CDC42BPB: variants seen among roughly 807,000 people sequenced by gnomAD.
CDC42BPB encodes the protein serine/threonine-protein kinase MRCK beta.
In CDC42BPB, 37 loss-of-function variants were observed where a neutral mutation model predicts 214.9. That is an observed-to-expected ratio of 0.17 (90% CI 0.13 to 0.23). The LOEUF is 0.23. Among genes scored for constraint, CDC42BPB ranks in the 10% least tolerant of loss-of-function variants. The pLI, the probability that CDC42BPB is intolerant of heterozygous loss-of-function variation, is 1.00. For missense variants in CDC42BPB, 1,694 were observed against 2,227.0 expected (o/e 0.76, Z 4.82); for synonymous variants, 931 against 884.0 (o/e 1.05, Z -0.94).
chr14:102,996,192 T>G (rs934693024), intron 5 of CDC42BPB, among the ~76,000 whole-genome samples: 1 of 151,840 alleles, frequency 6.6e-6, no homozygotes, highest in Non-Finnish European at 1.5e-5. Context: ...ACAAAAAAAT[T>G]AGCTGGGCGT....
rs1714780857 is a variant in CDC42BPB at position 103,057,316 on chromosome 14, C to G, written c.-143G>C. ...GCCGCCCCGTCCGCGTCGTCGCGCC[C>G]CGGCCTAGGCCGACATCTTGGGCTC... is the stretch of plus-strand genomic sequence containing the variant. On this transcript the variant is annotated 5_prime_UTR_variant, in exon 1 of 37. Transcript: ENST00000361246. The G allele has an allele frequency of 9.6e-7, 1 of 1,046,956 alleles. No individual in the cohort carries two copies. Among genetic ancestry groups the G allele is most frequent in the South Asian group, 4.5e-5 (1 of 22,398 alleles). The allele number at this position is 1,046,956 out of a possible 1,614,324, so 64.9% of individuals were successfully genotyped here.
At chr14:103,024,557 T>C (rs1435309737) in intron 1 of CDC42BPB, among the ~76,000 whole-genome samples, 1 of 152,228 alleles carries the variant, frequency 6.6e-6, no homozygotes, top group Non-Finnish European at 1.5e-5. Context: ...TTTTAGCAAC[T>C]ATTCGTAACA....
At chr14:103,008,938 T>C (rs1270034061) in intron 2 of CDC42BPB, among the ~76,000 whole-genome samples, 2 of 152,222 alleles carry the variant, frequency 1.3e-5, no homozygotes, top group African/African-American at 4.8e-5. Flanking sequence ...CCACATTCTT[T>C]AAAGAACAAT....
In CDC42BPB at chr14:102,940,293, G is replaced by A. The variant is rs1048630181; in HGVS notation, c.4440C>T (p.Ser1480=). The part of the protein sequence containing the change: ...SCSPTHVTVY[S]EYGVDVFDVR... ...CATCAAAGACGTCCACGCCATACTC[G>A]CTGTACACCGTGACGTGGGTGGGGC... The change falls in exon 31 of 37, where the codon AGC becomes AGT. Residue 1480 remains serine, a synonymous_variant. Transcript: ENST00000361246. The A allele has an allele frequency of 5.7e-6, 9 of 1,584,602 alleles. No homozygotes were observed. Among genetic ancestry groups the A allele is most frequent in the East Asian group, 2.3e-5 (1 of 43,512 alleles).
rs1473965879 is a variant in CDC42BPB, at chr14:102,933,782, G to A, written c.5066C>T (p.Pro1689Leu). 1.3e-6 allele frequency: 2 copies of A among 1,502,174 alleles called. No individual in the cohort carries two copies. Among genetic ancestry groups the A allele is most frequent in the Non-Finnish European group, 1.8e-6 (2 of 1,138,876 alleles). The allele number at this position is 1,502,174 out of a possible 1,614,324, so 93.1% of individuals were successfully genotyped here. Residue 1689 changes from proline (P) to leucine (L), a missense_variant, in exon 37 of 37, where the codon CCG (proline) becomes CTG (leucine). Coordinates refer to ENST00000361246, the MANE Select transcript of CDC42BPB (RefSeq NM_006035.4). The stretch of plus-strand genomic sequence containing the variant: ...GCTCCTGTGGGGGGAGTTGGGGCTC[G>A]GTGGGCCGCTGGGGTTGGAGCTATT... The part of the protein sequence containing the change: ...PSNSSNPSGP[P>L]SPNSPHRSQL...
At chr14:102,960,793 T>C (rs1413516709) in intron 20 of CDC42BPB, among the ~76,000 whole-genome samples, 1 of 152,088 alleles carries the variant, frequency 6.6e-6, no homozygotes, top group Admixed American at 6.6e-5. Flanking sequence ...AGCTAGCCAT[T>C]AGCAAAAGAT....
At chr14:102,998,811 T>C (rs1462033732) in intron 5 of CDC42BPB, among the ~76,000 whole-genome samples, 2 of 151,998 alleles carry the variant, frequency 1.3e-5, no homozygotes, top group African/African-American at 4.8e-5. Context: ...AGAAAGAATG[T>C]GGGGACAGAG....
chr14:102,944,500 G>A lies in CDC42BPB; in HGVS notation c.3812-13C>T. On this transcript the variant is annotated splice_polypyrimidine_tract_variant and intron_variant, in intron 29 of 36. Transcript: ENST00000361246. The surrounding 1 kb of genome is among the most constrained non-coding windows in gnomAD (Gnocchi z 6.6). ...GCACGGACGATCACTGTGGCAAGGA[G>A]GACAAGAGCGTGAGGCCGACGGGAC... 6.2e-7 allele frequency: 1 copy of A among 1,602,312 alleles called. No individual in the cohort carries two copies. Among genetic ancestry groups the A allele is most frequent in the East Asian group, 2.2e-5 (1 of 44,664 alleles).
At chr14:103,022,851 C>T (rs1172119900) in intron 1 of CDC42BPB, among the ~76,000 whole-genome samples, 1 of 152,110 alleles carries the variant, frequency 6.6e-6, no homozygotes, top group African/African-American at 2.4e-5. Flanking sequence ...GCATCTGTGC[C>T]TCCACCCAGT....
chr14:103,010,709 C>A (rs1886106343), intron 2 of CDC42BPB, among the ~76,000 whole-genome samples: 1 of 152,224 alleles, frequency 6.6e-6, no homozygotes, highest in Admixed American at 6.5e-5. Flanking sequence ...CAAACCTCAG[C>A]ATAGGTGCTA....
intron 1 of CDC42BPB, among the ~76,000 whole-genome samples, chr14:103,013,186 G>A (rs903849868): frequency 2.0e-5 from 3 of 152,218 alleles, no homozygotes; most frequent in African/African-American, 7.2e-5. Context: ...TGCGTGAGGT[G>A]AGTGAGAGCT....
chr14:103,021,642 T>G (rs1595156771), intron 1 of CDC42BPB, among the ~76,000 whole-genome samples: 1 of 149,592 alleles, frequency 6.7e-6, no homozygotes, highest in East Asian at 2.0e-4. Flanking sequence ...ATCGTGCCAC[T>G]GCACTCCAGC....
At chr14:102,964,927 C>CTTT in intron 18 of CDC42BPB, 2 of 297,712 alleles carry the variant, frequency 6.7e-6, no homozygotes, top group Non-Finnish European at 9.7e-6. Flanking sequence ...CTTTTCTTTT[C>CTTT]TTTTTTTTTT....
chr14:102,963,637 A>T (rs1288419250), intron 19 of CDC42BPB, among the ~76,000 whole-genome samples: 1 of 152,212 alleles, frequency 6.6e-6, no homozygotes, highest in Non-Finnish European at 1.5e-5. Context: ...GGAGGGATGC[A>T]GTTTGTGGGG....
Position 102,986,737 on chromosome 14 carries a change from G to A in CDC42BPB, c.597-157C>T, listed in dbSNP as rs536622106. The A allele has an allele frequency of 7.1e-6, 7 of 985,326 alleles. No homozygotes were observed. The Admixed American group carries it at 3.7e-4, about 52-fold the overall frequency. 61.0% of individuals were successfully genotyped at this position (985,326 alleles called of 1,614,324 possible). The stretch of plus-strand genomic sequence containing the variant: ...AAATGCCTCTGTGTGACATTCAGCT[G>A]GCATGGTGGCAGCCGAAGTCGTATC... On this transcript the variant is annotated intron_variant, in intron 5 of 36. Coordinates refer to ENST00000361246, the MANE Select transcript of CDC42BPB (RefSeq NM_006035.4).
chr14:102,944,654 G>A lies in CDC42BPB; in HGVS notation c.3812-167C>T. On this transcript the variant is annotated intron_variant, in intron 29 of 36. Transcript: ENST00000361246. This position sits in a 1 kb window ranked among gnomAD's most constrained non-coding sequence, Gnocchi z 6.6. ...CCCTGAGCCCGTCTCTGCCCACAGA[G>A]CCAGTGGCTTGAACGCCCCCCGGAG... The A allele has an allele frequency of 4.1e-6, 4 of 985,316 alleles. No individual in the cohort carries two copies. The highest frequency in any genetic ancestry group is 4.8e-6 in the Non-Finnish European group (4 of 829,892). 61.0% of individuals were successfully genotyped at this position (985,316 alleles called of 1,614,324 possible).
intron 25 of CDC42BPB, 69 bp from the exon 26 acceptor site, chr14:102,949,973 G>T: frequency 6.3e-7 from 1 of 1,588,260 alleles, no homozygotes; most frequent in East Asian, 2.2e-5. Flanking sequence ...CATTACACTC[G>T]TTCACAATCT....
chr14:102,949,117 G>A (rs1892359566), intron 26 of CDC42BPB, among the ~76,000 whole-genome samples: 1 of 152,228 alleles, frequency 6.6e-6, no homozygotes, highest in African/African-American at 2.4e-5. Flanking sequence ...CAGTAGCATG[G>A]CTCCGTGTGC....
Position 102,949,690 on chromosome 14 carries a change from G to C in CDC42BPB, c.3449+75C>G. On this transcript the variant is annotated intron_variant, in intron 26 of 36. Transcript: ENST00000361246. ...ACTAATGAGGTGAAAGACTACTAAG[G>C]AACACACCGTCCTTTTGGCTAAAGA... 1.9e-6 allele frequency: 3 copies of C among 1,582,644 alleles called. No homozygotes were observed. The Admixed American group carries it at 5.0e-5, about 27-fold the overall frequency.
Sources: allele counts gnomAD v4.1 joint callset (sites outside exome capture counted in the v4.1 genomes callset), GRCh38; gene constraint gnomAD v4.1.1; non-coding constraint Gnocchi (gnomAD v3.1); transcripts MANE v1.5; gene names NCBI Gene and HGNC (gene_info 2026-07-23, HGNC 2026-07-21).